MAOA: variants seen among roughly 807,000 people sequenced by gnomAD.
The protein encoded by MAOA is amine oxidase [flavin-containing] A.
A neutral mutation model predicts 42.0 loss-of-function variants in MAOA; 6 were observed. The observed-to-expected ratio is 0.14, with a 90% confidence interval of 0.08 to 0.28. MAOA has a LOEUF of 0.28. MAOA is among the 10% of genes least tolerant of loss of function. MAOA has a pLI of 1.00. For missense variants in MAOA, 262 were observed against 422.3 expected (o/e 0.62, Z 3.33); for synonymous variants, 140 against 154.0 (o/e 0.91, Z 0.67).
Position 43,724,141 on chromosome X carries a change from C to A in MAOA, c.504-4032C>A, listed in dbSNP as rs778417671. 1.6e-3 allele frequency among the ~76,000 whole-genome samples: 178 copies of A among 111,465 alleles called. 1 individual carries two copies. The highest frequency in any genetic ancestry group is 5.7e-3 in the African/African-American group (176 of 30,659). ...ATCAGGGATATTGGCCTGAAATTCT[C>A]TTTTTTTGTTGTGTCTCTGCCAGGT... On this transcript the variant is annotated intron_variant, in intron 5 of 14. Coordinates refer to ENST00000338702, the MANE Select transcript of MAOA (RefSeq NM_000240.4).
At position 43,745,831 on chromosome X, in the gene MAOA, C is replaced by T. The variant is rs1363396122; in HGVS notation, c.*1318C>T. 1 of 111,541 alleles carries T rather than the reference C, an allele frequency of 9.0e-6. No homozygotes were observed. Among genetic ancestry groups the T allele is most frequent in the Non-Finnish European group, 1.9e-5 (1 of 53,116 alleles). The allele number at this position is 111,541 out of a possible 1,213,427, so 9.2% of individuals were successfully genotyped here. A position where few individuals can be genotyped will look rare whatever the true frequency, so the allele number is the denominator to read the frequency against. On this transcript the variant is annotated 3_prime_UTR_variant, in exon 15 of 15. Coordinates refer to ENST00000338702, the MANE Select transcript of MAOA (RefSeq NM_000240.4). ...TAAAATACTTCTTTTTACAATGTAT[C>T]AACATATTTTTATTTAAGGGGAATT...
chrX:43,706,912 C>T lies in MAOA; in HGVS notation c.307-4960C>T, dbSNP rs757805360. Among the ~76,000 whole-genome samples, 44 of 111,775 alleles carry T rather than the reference C, an allele frequency of 3.9e-4. 1 individual carries two copies. The East Asian group carries it at 0.012, about 29-fold the overall frequency. ...CAGAGATAGGACTACACAATTCAGGCGCCCATTGCATTGGTAGCTGTACAA... is the reference window on the plus strand; with the variant it reads ...CAGAGATAGGACTACACAATTCAGGTGCCCATTGCATTGGTAGCTGTACAA... On this transcript the variant is annotated intron_variant, in intron 3 of 14. Transcript: ENST00000338702.
intron 12 of MAOA, among the ~76,000 whole-genome samples, chrX:43,743,469 T>G (rs1312001465): frequency 9.1e-6 from 1 of 110,393 alleles, no homozygotes; most frequent in Admixed American, 9.6e-5. Context: ...AAGAATGGAC[T>G]GCCAACAGGA....
At chrX:43,701,373 T>C (rs1206487328) in intron 3 of MAOA, among the ~76,000 whole-genome samples, 2 of 111,792 alleles carry the variant, frequency 1.8e-5, no homozygotes, top group Admixed American at 1.9e-4. Flanking sequence ...GACAACCCAA[T>C]ATATAGCAAA....
chrX:43,685,213 T>C (rs1388687155), intron 2 of MAOA, among the ~76,000 whole-genome samples: 2 of 111,640 alleles, frequency 1.8e-5, no homozygotes, highest in African/African-American at 6.5e-5. Flanking sequence ...AGGTTTATTG[T>C]CTTGTGGTAA....
chrX:43,740,791 G>C, intron 11 of MAOA, 53 bp downstream of exon 11: 1 of 1,056,910 alleles, frequency 9.5e-7, no homozygotes, highest in Non-Finnish European at 1.3e-6. Context: ...TTCACTATAA[G>C]TAGTAAAGCA....
intron 5 of MAOA, among the ~76,000 whole-genome samples, chrX:43,725,469 T>C (rs767884309): frequency 8.9e-5 from 10 of 111,816 alleles, no homozygotes; most frequent in African/African-American, 1.9e-4. Context: ...AAGTCTGTTT[T>C]ATCAGAGACT....
intron 1 of MAOA, among the ~76,000 whole-genome samples, chrX:43,662,767 G>T (rs2147069809): frequency 9.0e-6 from 1 of 110,684 alleles, no homozygotes; most frequent in Non-Finnish European, 1.9e-5. Flanking sequence ...TAGTTGTTAA[G>T]GAATATACTT....
intron 1 of MAOA, among the ~76,000 whole-genome samples, chrX:43,660,253 C>T (rs971962803): frequency 6.3e-5 from 7 of 111,501 alleles, no homozygotes; most frequent in African/African-American, 2.3e-4. Context: ...AAGCTCTTGA[C>T]CCCTGAAGCT....
At chrX:43,682,451 C>T (rs2033451989) in intron 1 of MAOA, among the ~76,000 whole-genome samples, 1 of 111,623 alleles carries the variant, frequency 9.0e-6, no homozygotes, top group South Asian at 3.8e-4. Context: ...AACAGAACTC[C>T]TAATAACCAT....
chrX:43,696,265 C>CT (rs1389502625), intron 3 of MAOA, among the ~76,000 whole-genome samples: 2 of 111,622 alleles, frequency 1.8e-5, no homozygotes, highest in Non-Finnish European at 3.8e-5. Flanking sequence ...GAAAAAACAA[C>CT]TTCAGCTTTC....
At chrX:43,669,217 T>A (rs2033307727) in intron 1 of MAOA, among the ~76,000 whole-genome samples, 1 of 103,819 alleles carries the variant, frequency 9.6e-6, no homozygotes, top group Non-Finnish European at 2.0e-5. Flanking sequence ...GAGACCAACC[T>A]GGCCAACATG....
intron 3 of MAOA, among the ~76,000 whole-genome samples, chrX:43,707,999 T>A: frequency 8.9e-6 from 1 of 112,109 alleles, no homozygotes; most frequent in Non-Finnish European, 1.9e-5. Flanking sequence ...TAAAGAATTA[T>A]GTGGGAGCCA....
At chrX:43,727,993 G>T (rs1406471819) in intron 5 of MAOA, among the ~76,000 whole-genome samples, 180 bp from the exon 6 acceptor site, 2 of 112,064 alleles carry the variant, frequency 1.8e-5, no homozygotes, top group Admixed American at 9.5e-5. Flanking sequence ...TTAAGCAGGA[G>T]AAAATGTTAG....
At chrX:43,742,491 T>C (rs755072841) in intron 12 of MAOA, among the ~76,000 whole-genome samples, 59 of 112,567 alleles carry the variant, frequency 5.2e-4, no homozygotes, top group Non-Finnish European at 9.4e-4. Context: ...CTGTATACAG[T>C]TGAGATGTGA....
At position 43,692,616 on chromosome X, in the gene MAOA, T is replaced by TA. The variant is rs1399544319; in HGVS notation, c.169-662dup. Among the ~76,000 whole-genome samples, 646 of 100,439 alleles carry TA rather than the reference T, an allele frequency of 6.4e-3. 2 individuals are homozygous for TA. The highest frequency in any genetic ancestry group is 8.9e-3 in the Non-Finnish European group (438 of 49,120). The allele number at this position is 100,439 out of a possible 115,157, so 87.2% of individuals were successfully genotyped here. On this transcript the variant is annotated intron_variant, in intron 2 of 14. Coordinates refer to ENST00000338702, the MANE Select transcript of MAOA (RefSeq NM_000240.4). ...AAATAGACACAGACCCTTTATTTAT[T>TA]AAAAAAAAAAAAACCACGGAAGGGT... is the stretch of plus-strand genomic sequence containing the variant.
At chrX:43,701,670 A>T (rs754584459) in intron 3 of MAOA, among the ~76,000 whole-genome samples, 12 of 111,901 alleles carry the variant, frequency 1.1e-4, no homozygotes, top group African/African-American at 3.9e-4. Flanking sequence ...AGTCAGACAC[A>T]AAGGATTTCT....
chrX:43,658,193 C>T (rs1458201946), intron 1 of MAOA, among the ~76,000 whole-genome samples: 1 of 111,304 alleles, frequency 9.0e-6, no homozygotes, highest in Non-Finnish European at 1.9e-5. Context: ...GGGTCCTCTC[C>T]CATCTCCATA....
rs778901381 is a variant in MAOA, at chrX:43,728,272, C to T, written c.603C>T (p.Cys201=). 1.6e-5 allele frequency: 19 copies of T among 1,208,961 alleles called. No individual in the cohort carries two copies. Among genetic ancestry groups the T allele is most frequent in the African/African-American group, 8.8e-5 (5 of 57,001 alleles). The change falls in exon 6 of 15, where the codon TGC becomes TGT. Residue 201 remains cysteine (C), a synonymous_variant. Transcript: ENST00000338702. ...GGTTCTTGTGGTATGTGAAGCAGTGCGGGGGCACCACTCGGATATTCTCTG... is the reference window on the plus strand; with the variant it reads ...GGTTCTTGTGGTATGTGAAGCAGTGTGGGGGCACCACTCGGATATTCTCTG... ...ALWFLWYVKQ[C]GGTTRIFSVT... is the part of the protein sequence containing the mutation.
Sources: gnomAD v4.1 joint callset for allele counts (sites outside exome capture counted in the v4.1 genomes callset) on GRCh38, gnomAD v4.1.1 for gene constraint, MANE v1.5 for transcripts, NCBI Gene and HGNC (gene_info 2026-07-23, HGNC 2026-07-21) for gene names.